SLC5A4: variants seen among roughly 807,000 people sequenced by gnomAD.
The protein encoded by SLC5A4 is solute carrier family 5 member 4.
A neutral mutation model predicts 70.3 loss-of-function variants in SLC5A4; 55 were observed. The ratio of observed to expected loss-of-function variants is 0.78; its 90% CI spans 0.63 to 0.98. The LOEUF (loss-of-function observed/expected upper bound fraction) is 0.98, where lower values mean the gene tolerates loss of function less well. Among genes scored for constraint, SLC5A4 ranks in the 50% least tolerant of loss-of-function variants. SLC5A4 has a pLI of 0.00. For missense variants in SLC5A4, 735 were observed against 839.2 expected (o/e 0.88, Z 1.53); for synonymous variants, 268 against 305.7 (o/e 0.88, Z 1.29).
At chr22:32,339,908 G>A in the SLC5A4 span, among the ~76,000 whole-genome samples, 1 of 152,212 alleles carries the variant, frequency 6.6e-6, no homozygotes, top group East Asian at 1.9e-4. Flanking sequence ...GGGGACCCCC[G>A]AGGTTCTGCC....
the SLC5A4 span, among the ~76,000 whole-genome samples, chr22:32,279,029 C>T: frequency 6.6e-6 from 1 of 152,236 alleles, no homozygotes; most frequent in Non-Finnish European, 1.5e-5. Context: ...GTAATCCCAG[C>T]ACTTTGGGAG....
chr22:32,291,140 TTC>T, the SLC5A4 span, among the ~76,000 whole-genome samples: 1 of 151,968 alleles, frequency 6.6e-6, no homozygotes. Context: ...TATGTTTATT[TTC>T]TTTTTCTTTA....
intron 3 of SLC5A4, 129 bp downstream of exon 3, chr22:32,251,641 G>T: frequency 1.5e-6 from 1 of 670,756 alleles, no homozygotes; most frequent in Admixed American, 2.5e-5. Context: ...AGCCTTCAGA[G>T]CTGTCAGAGA....
In SLC5A4 at chr22:32,218,604, C is replaced by A; in HGVS notation, c.1890G>T (p.Thr630=). 6.2e-7 allele frequency: 1 copy of A among 1,613,916 alleles called. No individual in the cohort carries two copies. Among genetic ancestry groups the A allele is most frequent in the Non-Finnish European group, 8.5e-7 (1 of 1,179,964 alleles). The change falls in exon 15 of 15, where the codon ACG becomes ACT. Residue 630 remains threonine (T), a synonymous_variant. Transcript: ENST00000266086. The part of the protein sequence containing the change: ...EEALSKKLTD[T]SERPSWRTIV... ...TTGTCCTCCACGAGGGCCTCTCAGA[C>A]GTGTCTGTGAGCTTCTTGCTCAAGG... is the stretch of plus-strand genomic sequence containing the variant.
the SLC5A4 span, among the ~76,000 whole-genome samples, chr22:32,302,504 G>A: frequency 1.3e-5 from 2 of 151,896 alleles, no homozygotes; most frequent in African/African-American, 2.4e-5. Flanking sequence ...TAAGACTTAG[G>A]TACTTACCTC....
the SLC5A4 span, among the ~76,000 whole-genome samples, chr22:32,324,135 C>T: frequency 6.6e-6 from 1 of 151,724 alleles, no homozygotes; most frequent in East Asian, 1.9e-4. Flanking sequence ...TGCTGAGGGT[C>T]GCTATGGCAT....
the SLC5A4 span, among the ~76,000 whole-genome samples, chr22:32,333,152 G>A: frequency 1.3e-5 from 2 of 151,904 alleles, no homozygotes; most frequent in Non-Finnish European, 2.9e-5. Flanking sequence ...GGAGTGGAAT[G>A]AGGTGCCGGG....
At chr22:32,223,796 C>T (rs897010891) in intron 13 of SLC5A4, among the ~76,000 whole-genome samples, 5 of 152,194 alleles carry the variant, frequency 3.3e-5, no homozygotes, top group Non-Finnish European at 5.9e-5. Context: ...TGGTGCTTTG[C>T]ACATACTAGG....
At chr22:32,265,671 C>G in the SLC5A4 span, among the ~76,000 whole-genome samples, 1 of 152,078 alleles carries the variant, frequency 6.6e-6, no homozygotes, top group African/African-American at 2.4e-5. Flanking sequence ...GAAACCCCCT[C>G]TCTACTAAAA....
At chr22:32,349,234 A>G in the SLC5A4 span, among the ~76,000 whole-genome samples, 2 of 151,432 alleles carry the variant, frequency 1.3e-5, no homozygotes, top group Non-Finnish European at 2.9e-5. Flanking sequence ...TGGCCTCCCA[A>G]GGTGCTGGGA....
the SLC5A4 span, chr22:32,271,519 C>T: frequency 8.4e-6 from 6 of 715,742 alleles, no homozygotes; most frequent in Admixed American, 1.9e-5. Flanking sequence ...GAGAAGAAGC[C>T]GAAGCCATCC....
At chr22:32,262,156 A>G in the SLC5A4 span, among the ~76,000 whole-genome samples, 1 of 152,172 alleles carries the variant, frequency 6.6e-6, no homozygotes, top group Admixed American at 6.5e-5. Context: ...TCTCTTCAAT[A>G]TAGTGATTTT....
chr22:32,292,300 ATAT>A, the SLC5A4 span, among the ~76,000 whole-genome samples: 3 of 140,610 alleles, frequency 2.1e-5, no homozygotes, highest in Non-Finnish European at 3.0e-5. Flanking sequence ...TATATACTAG[ATAT>A]TATATATATT....
the SLC5A4 span, among the ~76,000 whole-genome samples, chr22:32,314,838 C>T: frequency 1.3e-5 from 2 of 152,126 alleles, no homozygotes; most frequent in Non-Finnish European, 2.9e-5. Context: ...AGTGAGCGAG[C>T]TTGTGCAGGA....
chr22:32,239,004 A>G lies in SLC5A4; in HGVS notation c.564T>C (p.Thr188=). Residue 188 remains threonine (T), a synonymous_variant, in exon 6 of 15, where the codon ACT becomes ACC. Transcript: ENST00000266086. ...YLAIFILLAM[T]AVYTTTGGLA... is the part of the protein sequence containing the mutation. ...ACTTACCAGTGGTGGTGTAAACAGC[A>G]GTCATAGCCAAGAGGATGAAGATTG... 6.2e-7 allele frequency: 1 copy of G among 1,613,378 alleles called. No homozygotes were observed. The highest frequency in any genetic ancestry group is 8.5e-7 in the Non-Finnish European group (1 of 1,179,268).
At chr22:32,333,575 G>A in the SLC5A4 span, among the ~76,000 whole-genome samples, 1 of 152,034 alleles carries the variant, frequency 6.6e-6, no homozygotes, top group Admixed American at 6.5e-5. Context: ...ATCGGCTCCT[G>A]GTCCCACAGG....
chr22:32,318,454 G>A, the SLC5A4 span, among the ~76,000 whole-genome samples: 9 of 151,994 alleles, frequency 5.9e-5, no homozygotes, highest in African/African-American at 1.9e-4. Flanking sequence ...CAATTTTTCT[G>A]ACCTCAGGAA....
At chr22:32,280,277 A>T in the SLC5A4 span, among the ~76,000 whole-genome samples, 1 of 151,814 alleles carries the variant, frequency 6.6e-6, no homozygotes, top group South Asian at 2.1e-4. Flanking sequence ...TCAACCTCCC[A>T]AAGTGTTGGG....
chr22:32,348,866 A>T, the SLC5A4 span, among the ~76,000 whole-genome samples: 1 of 152,216 alleles, frequency 6.6e-6, no homozygotes, highest in Non-Finnish European at 1.5e-5. Flanking sequence ...ACGCTCAGAC[A>T]CACAATTCTT....
Sources: gnomAD v4.1 joint callset for allele counts (sites outside exome capture counted in the v4.1 genomes callset) on GRCh38, gnomAD v4.1.1 for gene constraint, MANE v1.5 for transcripts, NCBI Gene and HGNC (gene_info 2026-07-23, HGNC 2026-07-21) for gene names.